Variants in TGFBRAP1 observed in about 807,000 individuals in gnomAD.
The protein encoded by TGFBRAP1 is transforming growth factor-beta receptor-associated protein 1.
A neutral mutation model predicts 83.2 loss-of-function variants in TGFBRAP1; 20 were observed. The observed-to-expected ratio is 0.24, with a 90% confidence interval of 0.17 to 0.35. TGFBRAP1 has a LOEUF of 0.35. TGFBRAP1 is among the 10% of genes least tolerant of loss of function. TGFBRAP1 has a pLI of 1.00. For synonymous variants in TGFBRAP1, 415 were observed against 459.8 expected (o/e 0.90, Z 1.25); for missense variants, 950 against 1,099.4 (o/e 0.86, Z 1.92).
chr2:105,258,281 G>A, the TGFBRAP1 span, among the ~76,000 whole-genome samples: 9 of 152,246 alleles, frequency 5.9e-5, no homozygotes, highest in South Asian at 4.2e-4. Flanking sequence ...AATTTCATGT[G>A]TCAATGTGAC....
At chr2:105,290,553 G>A (rs530726345) in intron 4 of TGFBRAP1, among the ~76,000 whole-genome samples, 1 of 151,790 alleles carries the variant, frequency 6.6e-6, no homozygotes, top group South Asian at 2.1e-4. Flanking sequence ...TTGCCATGCA[G>A]GATGTGTATA....
At chr2:105,283,441 C>A (rs528728996) in intron 5 of TGFBRAP1, among the ~76,000 whole-genome samples, 1 of 152,316 alleles carries the variant, frequency 6.6e-6, no homozygotes, top group East Asian at 1.9e-4. Context: ...CAAGTCACTA[C>A]TTGGATGAAA....
rs141921847 is a variant in TGFBRAP1, at chr2:105,323,212, C to T, written c.-18+6413G>A. On this transcript the variant is annotated intron_variant, in intron 1 of 11. Transcript: ENST00000393359. ...GTCCCAGTGATGGTGGCTCTTGTGA[C>T]GCCTGGATGAGGAGGGAGAGCCTGG... is the stretch of plus-strand genomic sequence containing the variant. Among the ~76,000 whole-genome samples the T allele has an allele frequency of 3.8e-4, 58 of 152,094 alleles. 1 individual carries two copies. The East Asian group carries it at 0.01, about 26-fold the overall frequency.
rs749750455 is a variant in TGFBRAP1 at position 105,265,657 on chromosome 2, C to T, written c.*1726G>A. 1.3e-5 allele frequency: 2 copies of T among 152,658 alleles called. No individual in the cohort carries two copies. Among genetic ancestry groups the T allele is most frequent in the African/African-American group, 4.8e-5 (2 of 41,434 alleles). The allele number at this position is 152,658 out of a possible 1,614,324, so 9.5% of individuals were successfully genotyped here. Reference sequence around the variant, plus strand: ...GACCATTCTACAACAGAGTCACCCACAGGTAAAACACATGACTGGGCTTTG... The same window carrying T: ...GACCATTCTACAACAGAGTCACCCATAGGTAAAACACATGACTGGGCTTTG... On this transcript the variant is annotated 3_prime_UTR_variant, in exon 12 of 12. Transcript: ENST00000393359.
chr2:105,282,857 T>C (rs1383801722), intron 5 of TGFBRAP1, among the ~76,000 whole-genome samples: 1 of 151,000 alleles, frequency 6.6e-6, no homozygotes, highest in African/African-American at 2.4e-5. Flanking sequence ...ATCCGTTCTC[T>C]CAGCCACACT....
chr2:105,280,468 A>G lies in TGFBRAP1; in HGVS notation c.1377T>C (p.Ala459=), dbSNP rs753970462. 6 of 1,614,226 alleles carry G rather than the reference A, an allele frequency of 3.7e-6. No individual in the cohort carries two copies. The highest frequency in any genetic ancestry group is 5.1e-6 in the Non-Finnish European group (6 of 1,180,040). The change falls in exon 6 of 12, where the codon GCT becomes GCC. Residue 459 remains alanine (A), a synonymous_variant. Coordinates refer to ENST00000393359, the MANE Select transcript of TGFBRAP1 (RefSeq NM_004257.6). ...GGAGGTCCAGCAGGCTGTCGTGGTC[A>G]GCCTCTGCATACAGTTTGAGCAAGG... ...DTALLKLYAE[A]DHDSLLDLLV... is the part of the protein sequence containing the mutation.
chr2:105,310,288 C>A (rs1678649255), intron 1 of TGFBRAP1, among the ~76,000 whole-genome samples: 1 of 152,152 alleles, frequency 6.6e-6, no homozygotes, highest in South Asian at 2.1e-4. Flanking sequence ...TGGATCAGCT[C>A]TCACTCCTCT....
At chr2:105,273,862 TA>T (rs1482803645) in intron 8 of TGFBRAP1, among the ~76,000 whole-genome samples, 172 bp from the exon 9 acceptor site, 1 of 152,174 alleles carries the variant, frequency 6.6e-6, no homozygotes, top group Non-Finnish European at 1.5e-5. Flanking sequence ...TACAGTGGCT[TA>T]AAAAATATAA....
At chr2:105,263,304 T>A (rs1464839141), downstream of TGFBRAP1, among the ~76,000 whole-genome samples, 1 of 152,196 alleles carries the variant, frequency 6.6e-6, no homozygotes, top group Non-Finnish European at 1.5e-5. Flanking sequence ...TTTATGATTT[T>A]CTAAAAACCG....
downstream of TGFBRAP1, among the ~76,000 whole-genome samples, chr2:105,261,447 A>G (rs1283565003): frequency 1.3e-5 from 2 of 152,164 alleles, no homozygotes; most frequent in South Asian, 4.1e-4. Flanking sequence ...TGAAACCTAG[A>G]GCACATGAGA....
At chr2:105,288,966 A>G (rs893747487) in intron 4 of TGFBRAP1, among the ~76,000 whole-genome samples, 1 of 152,230 alleles carries the variant, frequency 6.6e-6, no homozygotes, top group East Asian at 1.9e-4. Flanking sequence ...TTCAATTAAG[A>G]AGCCCAATTA....
intron 10 of TGFBRAP1, among the ~76,000 whole-genome samples, chr2:105,270,634 G>A (rs1273678486): frequency 6.6e-6 from 1 of 152,210 alleles, no homozygotes; most frequent in Non-Finnish European, 1.5e-5. Flanking sequence ...CTGTCGCTTA[G>A]GCCTGAAGAA....
chr2:105,310,273 C>T (rs1678648769), intron 1 of TGFBRAP1, among the ~76,000 whole-genome samples: 1 of 152,126 alleles, frequency 6.6e-6, no homozygotes, highest in Non-Finnish European at 1.5e-5. Flanking sequence ...GATTCCCTCC[C>T]AGTCTGGATC....
chr2:105,287,827 G>C (rs1677769773), intron 4 of TGFBRAP1, among the ~76,000 whole-genome samples: 1 of 152,036 alleles, frequency 6.6e-6, no homozygotes, highest in South Asian at 2.1e-4. Context: ...GTAATGGAGG[G>C]AGGTGGATAA....
At chr2:105,311,337 C>A (rs1678685381) in intron 1 of TGFBRAP1, among the ~76,000 whole-genome samples, 1 of 151,874 alleles carries the variant, frequency 6.6e-6, no homozygotes, top group African/African-American at 2.4e-5. Flanking sequence ...GGTAATAATG[C>A]AGAATTACAT....
At chr2:105,291,284 G>GA (rs1677904123) in intron 4 of TGFBRAP1, among the ~76,000 whole-genome samples, 1 of 152,174 alleles carries the variant, frequency 6.6e-6, no homozygotes, top group Non-Finnish European at 1.5e-5. Flanking sequence ...CAACCATCAT[G>GA]AATCAGGAAG....
intron 2 of TGFBRAP1, among the ~76,000 whole-genome samples, chr2:105,300,616 T>C (rs1678255025): frequency 6.6e-6 from 1 of 151,938 alleles, no homozygotes; most frequent in Non-Finnish European, 1.5e-5. Context: ...TTTGTATTGT[T>C]AGTAGAGACG....
At chr2:105,278,327 T>C (rs1290689452) in intron 6 of TGFBRAP1, among the ~76,000 whole-genome samples, 2 of 152,178 alleles carry the variant, frequency 1.3e-5, no homozygotes, top group African/African-American at 2.4e-5. Flanking sequence ...TCTACTACTA[T>C]TAACCCACAT....
the TGFBRAP1 span, among the ~76,000 whole-genome samples, chr2:105,257,353 A>G: frequency 2.6e-5 from 4 of 152,168 alleles, no homozygotes; most frequent in Non-Finnish European, 5.9e-5. Flanking sequence ...ATACATTTAC[A>G]TTGTTATGCA....
Sources: allele counts gnomAD v4.1 joint callset (sites outside exome capture counted in the v4.1 genomes callset), GRCh38; gene constraint gnomAD v4.1.1; transcripts MANE v1.5; gene names NCBI Gene and HGNC (gene_info 2026-07-23, HGNC 2026-07-21).